Variants in EPB41L3 observed in about 807,000 individuals in gnomAD.
EPB41L3 encodes the protein erythrocyte membrane protein band 4.1 like 3, also known as band 4.1-like protein 3.
In EPB41L3, 57 loss-of-function variants were observed where a neutral mutation model predicts 127.1. That is an observed-to-expected ratio of 0.45 (90% confidence interval 0.36 to 0.56). The LOEUF is 0.56. Ranked by LOEUF, EPB41L3 falls within the 20% of genes least tolerant of loss-of-function variation. EPB41L3 has a pLI of 0.00. For synonymous variants in EPB41L3, 572 were observed against 549.5 expected, an observed-to-expected ratio of 1.04 and a Z score of -0.57; for missense variants, 1,273 against 1,372.2, an observed-to-expected ratio of 0.93 and a Z score of 1.14.
At chr18:5,492,363 C>T (rs551168287) in intron 1 of EPB41L3, among the ~76,000 whole-genome samples, 3 of 129,280 alleles carry the variant, frequency 2.3e-5, no homozygotes, top group Admixed American at 1.4e-4. Context: ...AACTTTAACT[C>T]GTTATTTTAA....
chr18:5,408,431 G>A (rs999343071), intron 14 of EPB41L3, among the ~76,000 whole-genome samples: 1 of 151,610 alleles, frequency 6.6e-6, no homozygotes, highest in African/African-American at 2.4e-5. Flanking sequence ...CTGCCACCAT[G>A]CCTAGCTAAT....
rs138604700 is a variant in EPB41L3 at position 5,396,478 on chromosome 18, A to G, written c.2842-146T>C. On this transcript the variant is annotated intron_variant, in intron 18 of 22. Transcript: ENST00000341928. The stretch of plus-strand genomic sequence containing the variant: ...GAGTAAGCTGGGGAATGAGGCATAC[A>G]ACATGCACATGTCAGTCTCCTGGAC... 358 of 852,524 alleles carry G rather than the reference A, an allele frequency of 4.2e-4. 1 individual carries two copies. In the African/African-American group the frequency reaches 5.4e-3, roughly 13 times the overall value. 52.8% of individuals were successfully genotyped at this position (852,524 alleles called of 1,614,324 possible).
chr18:5,434,196 C>T (rs16948207), intron 6 of EPB41L3, 75 bp from the exon 7 acceptor site: 250,219 of 1,221,572 alleles, frequency 0.2, 27,248 homozygotes, highest in East Asian at 0.4. Context: ...TGGTAAAAAT[C>T]GTGGGCAAAT....
intron 1 of EPB41L3, among the ~76,000 whole-genome samples, chr18:5,615,025 A>G (rs1413369447): frequency 1.3e-5 from 2 of 152,196 alleles, no homozygotes; most frequent in African/African-American, 4.8e-5. Flanking sequence ...CTGCTAGAAC[A>G]TAGCTAACTG....
intron 1 of EPB41L3, among the ~76,000 whole-genome samples, chr18:5,500,598 G>A (rs1181659743): frequency 2.0e-5 from 3 of 152,172 alleles, no homozygotes; most frequent in Non-Finnish European, 4.4e-5. Context: ...TTCAGGTTTC[G>A]CTTTGTAGGT....
chr18:5,423,905 G>A (rs764927274), intron 10 of EPB41L3, among the ~76,000 whole-genome samples: 5 of 152,096 alleles, frequency 3.3e-5, no homozygotes, highest in Admixed American at 1.3e-4. Flanking sequence ...GATGGGTCTC[G>A]TACCATGCAT....
rs1019965722 is a variant in EPB41L3, at chr18:5,393,429, G to C, written c.*56C>G. The C allele has an allele frequency of 4.3e-6, 3 of 698,282 alleles. No homozygotes were observed. The African/African-American group carries it at 5.3e-5, about 12-fold the overall frequency. 43.3% of individuals were successfully genotyped at this position (698,282 alleles called of 1,614,324 possible). ...AAGAGGGAACTCCATATAGGCTCTG[G>C]TTTTCCTAACGGTTTGCATGACTGC... On this transcript the variant is annotated 3_prime_UTR_variant, in exon 23 of 23. Transcript: ENST00000341928.
At chr18:5,630,299 C>T (rs892470484), upstream of EPB41L3, 6 of 504,156 alleles carry the variant, frequency 1.2e-5, no homozygotes, top group African/African-American at 7.9e-5. Flanking sequence ...GCAGGCGGCC[C>T]GCACCCGCGC....
intron 3 of EPB41L3, among the ~76,000 whole-genome samples, chr18:5,580,898 C>A (rs372146689): frequency 7.9e-5 from 12 of 152,308 alleles, no homozygotes; most frequent in African/African-American, 1.4e-4. Flanking sequence ...GGCTGCTACT[C>A]ACACCAGCAT....
chr18:5,407,752 A>C lies in EPB41L3; in HGVS notation c.2122-16T>G. On this transcript the variant is annotated splice_polypyrimidine_tract_variant and intron_variant, in intron 14 of 22. Coordinates refer to ENST00000341928, the MANE Select transcript of EPB41L3 (RefSeq NM_012307.5). ...CCTGGTCCGACTGCCAGCATCAAGA[A>C]AGAGTGGGAAATAAAGTCTTACATG... 6.2e-7 allele frequency: 1 copy of C among 1,613,702 alleles called. No homozygotes were observed. The highest frequency in any genetic ancestry group is 2.2e-5 in the East Asian group (1 of 44,886).
rs2073282163 is a variant in EPB41L3 at position 5,395,661 on chromosome 18, T to C, written c.3020A>G (p.Gln1007Arg). The C allele has an allele frequency of 6.2e-7, 1 of 1,614,106 alleles. No individual in the cohort carries two copies. The highest frequency in any genetic ancestry group is 8.5e-7 in the Non-Finnish European group (1 of 1,180,048). ...ACTGGTGGTTTCAGATGTGATCGTC[T>C]GTGCACTCATCAGCACGCCTGGCTC... ...DLEPGVLMSA[Q>R]TITSETTSTT... Residue 1007 changes from glutamine (Q) to arginine (R), a missense_variant, in exon 20 of 23, where the codon CAG (glutamine) becomes CGG (arginine). Gln to Arg is a conservative substitution (Grantham distance 43, BLOSUM62 1). Transcript: ENST00000341928.
intron 1 of EPB41L3, among the ~76,000 whole-genome samples, chr18:5,622,910 A>G (rs1387910817): frequency 6.7e-6 from 1 of 148,618 alleles, no homozygotes. Flanking sequence ...TTTATACTGA[A>G]GGAGTTACAG....
rs745604519 is a variant in EPB41L3 at position 5,396,234 on chromosome 18, G to T, written c.2940C>A (p.Thr980=). Residue 980 remains threonine, a synonymous_variant, in exon 19 of 23, where the codon ACC becomes ACA. Coordinates refer to ENST00000341928, the MANE Select transcript of EPB41L3 (RefSeq NM_012307.5). ...ATTCATATGTGATGGTTTTGGTTTC[G>T]GTGTGAACTACTGGCACTTCCTTCG... The part of the protein sequence containing the change: ...ISTKEVPVVH[T]ETKTITYESS... 3.1e-6 allele frequency: 5 copies of T among 1,614,156 alleles called. No individual in the cohort carries two copies. The highest frequency in any genetic ancestry group is 3.4e-6 in the Non-Finnish European group (4 of 1,180,020).
At chr18:5,435,546 C>A (rs558035904) in intron 6 of EPB41L3, among the ~76,000 whole-genome samples, 27 of 152,198 alleles carry the variant, frequency 1.8e-4, no homozygotes, top group Non-Finnish European at 3.4e-4. Flanking sequence ...AGGTTTCTAG[C>A]CTAGGAGCCA....
chr18:5,474,409 CCTT>C lies in EPB41L3; in HGVS notation c.381+3829_381+3831del, dbSNP rs1157152142. Among the ~76,000 whole-genome samples, 3 of 152,174 alleles carry C rather than the reference CCTT, an allele frequency of 2.0e-5. No homozygotes were observed. The East Asian group carries it at 5.8e-4, about 29-fold the overall frequency. On this transcript the variant is annotated intron_variant, in intron 3 of 22. Transcript: ENST00000341928. ...TAGTCATTGCTCTCAGATAACTACT[CCTT>C]CTATCTTGCTTTCTGGGTCGATGGG...
intron 12 of EPB41L3, among the ~76,000 whole-genome samples, chr18:5,416,959 T>A (rs966370202): frequency 1.3e-5 from 2 of 152,148 alleles, no homozygotes; most frequent in African/African-American, 2.4e-5. Context: ...CCCACTCCTA[T>A]CTGATAAGTA....
rs373449109 is a variant in EPB41L3 at position 5,406,734 on chromosome 18, G to A, written c.2349+43C>T. ...TCCACACCCTGTAGAGAAGGAAGGC[G>A]GGTAAACAGAATACGAGTCTGACCA... On this transcript the variant is annotated intron_variant, in intron 16 of 22. Coordinates refer to ENST00000341928, the MANE Select transcript of EPB41L3 (RefSeq NM_012307.5). 3.8e-5 allele frequency: 59 copies of A among 1,549,032 alleles called. No homozygotes were observed. The African/African-American group carries it at 5.1e-4, about 13-fold the overall frequency.
chr18:5,584,451 T>A (rs945644226), intron 3 of EPB41L3, among the ~76,000 whole-genome samples: 2 of 152,342 alleles, frequency 1.3e-5, no homozygotes, highest in East Asian at 3.9e-4. Flanking sequence ...AGCTTTAACA[T>A]AAATAGATGG....
In EPB41L3 at chr18:5,441,652, G is replaced by C. The variant is rs531774781; in HGVS notation, c.529+2186C>G. 3.3e-5 allele frequency among the ~76,000 whole-genome samples: 5 copies of C among 152,182 alleles called. No homozygotes were observed. In the East Asian group the frequency reaches 9.7e-4, roughly 29 times the overall value. On this transcript the variant is annotated intron_variant, in intron 5 of 22. Transcript: ENST00000341928. ...GGCTAATTTTTGTATTTTTAGTAGA[G>C]ACGGGGTTTCACCGTGTCAGCCAGG...
Sources: allele counts gnomAD v4.1 joint callset (sites outside exome capture counted in the v4.1 genomes callset), GRCh38; gene constraint gnomAD v4.1.1; transcripts MANE v1.5; gene names NCBI Gene and HGNC (gene_info 2026-07-23, HGNC 2026-07-21).